SMYD3: variants seen among roughly 807,000 people sequenced by gnomAD.
SMYD3 encodes SET and MYND domain containing 3.
Under a neutral mutation model 57.7 loss-of-function variants are expected in SMYD3, and 36 were observed. The observed-to-expected ratio is 0.62, with a 90% CI of 0.48 to 0.82. The LOEUF (loss-of-function observed/expected upper bound fraction) is 0.82, where lower values mean the gene tolerates loss of function less well. Ranked by LOEUF, SMYD3 falls within the 40% of genes least tolerant of loss-of-function variation. SMYD3 has a pLI of 0.00. For synonymous variants in SMYD3, 211 were observed against 195.0 expected, an observed-to-expected ratio of 1.08 and a Z score of -0.68; for missense variants, 515 against 538.8, an observed-to-expected ratio of 0.96 and a Z score of 0.44.
intron 2 of SMYD3, among the ~76,000 whole-genome samples, chr1:246,353,834 A>G (rs2065870301): frequency 6.6e-6 from 1 of 152,206 alleles, no homozygotes; most frequent in Non-Finnish European, 1.5e-5. Context: ...GATGCCTAAT[A>G]AATATTAACT....
intron 5 of SMYD3, among the ~76,000 whole-genome samples, chr1:245,983,330 C>T (rs567640507): frequency 1.3e-5 from 2 of 152,092 alleles, no homozygotes; most frequent in South Asian, 4.1e-4. Context: ...TTCATTATTT[C>T]CCCTAAAAAC....
chr1:246,222,923 A>G (rs921106962), intron 5 of SMYD3, among the ~76,000 whole-genome samples: 1 of 152,178 alleles, frequency 6.6e-6, no homozygotes, highest in African/African-American at 2.4e-5. Context: ...TTCACATCTA[A>G]TACATGAAAA....
At chr1:246,047,707 T>G (rs1375047744) in intron 5 of SMYD3, among the ~76,000 whole-genome samples, 5 of 152,040 alleles carry the variant, frequency 3.3e-5, no homozygotes, top group African/African-American at 1.2e-4. Context: ...GGCATGGTGG[T>G]GTGTGCCTAT....
At chr1:245,791,743 C>T (rs1206275838) in intron 10 of SMYD3, among the ~76,000 whole-genome samples, 1 of 152,142 alleles carries the variant, frequency 6.6e-6, no homozygotes, top group African/African-American at 2.4e-5. Flanking sequence ...GTGTCTGATA[C>T]GCAGAGGTCA....
chr1:245,924,316 A>C (rs2056205523), intron 7 of SMYD3, among the ~76,000 whole-genome samples: 1 of 152,148 alleles, frequency 6.6e-6, no homozygotes, highest in South Asian at 2.1e-4. Context: ...GGAGACAAAA[A>C]TCCAAAGTCA....
At chr1:246,282,315 A>AAAAAAAAAAAAAAAAAAAC (rs2064463818) in intron 5 of SMYD3, among the ~76,000 whole-genome samples, 1 of 44,244 alleles carries the variant, frequency 2.3e-5, no homozygotes, top group African/African-American at 5.4e-5. Flanking sequence ...CAAAAAAAAA[A>AAAAAAAAAAAAAAAAAAAC]AAAAAAAAAA....
At position 245,924,655 on chromosome 1, in the gene SMYD3, C is replaced by CTT. The variant is rs150323644; in HGVS notation, c.702+3274_702+3275dup. Among the ~76,000 whole-genome samples, 722 of 94,660 alleles carry CTT rather than the reference C, an allele frequency of 7.6e-3. 14 individuals carry two copies. The highest frequency in any genetic ancestry group is 0.026 in the African/African-American group (680 of 26,130). The allele number at this position is 94,660 out of a possible 152,430, so 62.1% of individuals were successfully genotyped here. ...GTAAATGTCTGAGACTCTATTCCAG[C>CTT]TTTTTTTTTTTTTTTTTTTTTTTCT... On this transcript the variant is annotated intron_variant, in intron 7 of 11. Transcript: ENST00000490107.
intron 1 of SMYD3, among the ~76,000 whole-genome samples, chr1:246,367,065 C>T (rs1289592674): frequency 6.6e-6 from 1 of 151,840 alleles, no homozygotes; most frequent in African/African-American, 2.4e-5. Context: ...AGAAAAAGGA[C>T]CACTTATTTT....
At chr1:246,247,121 CTG>C (rs2148489371) in intron 5 of SMYD3, among the ~76,000 whole-genome samples, 1 of 152,176 alleles carries the variant, frequency 6.6e-6, no homozygotes, top group Admixed American at 6.5e-5. Context: ...GGTCGCTACT[CTG>C]TAGTCAGCTG....
At chr1:246,429,240 C>T (rs1329780356) in intron 1 of SMYD3, among the ~76,000 whole-genome samples, 1 of 151,980 alleles carries the variant, frequency 6.6e-6, no homozygotes, top group African/African-American at 2.4e-5. Flanking sequence ...CTGTCCACTG[C>T]AACCAGTGAT....
At chr1:245,831,753 C>G (rs981906094) in intron 10 of SMYD3, among the ~76,000 whole-genome samples, 1 of 152,186 alleles carries the variant, frequency 6.6e-6, no homozygotes, top group African/African-American at 2.4e-5. Flanking sequence ...GACAAGGGAA[C>G]AGAAAACACG....
chr1:246,387,381 T>G (rs920268579), intron 1 of SMYD3, among the ~76,000 whole-genome samples: 3 of 152,206 alleles, frequency 2.0e-5, no homozygotes, highest in African/African-American at 7.2e-5. Flanking sequence ...TTTAATGTAT[T>G]AAGTACCTCA....
chr1:245,827,144 A>G (rs577416984), intron 10 of SMYD3, among the ~76,000 whole-genome samples: 2 of 152,192 alleles, frequency 1.3e-5, no homozygotes, highest in Non-Finnish European at 2.9e-5. Context: ...TGATCTGTAG[A>G]TGAGAAAGTT....
chr1:245,927,559 C>T (rs1197875347), intron 7 of SMYD3, among the ~76,000 whole-genome samples: 1 of 149,800 alleles, frequency 6.7e-6, no homozygotes, highest in South Asian at 2.1e-4. Context: ...AGCTGGGATG[C>T]CCCCCCCTGC....
At chr1:246,021,822 G>A (rs2059475573) in intron 5 of SMYD3, among the ~76,000 whole-genome samples, 1 of 152,130 alleles carries the variant, frequency 6.6e-6, no homozygotes, top group African/African-American at 2.4e-5. Flanking sequence ...TGGAAAGATG[G>A]AAAAATGAAA....
intron 10 of SMYD3, among the ~76,000 whole-genome samples, chr1:245,830,682 T>C (rs1339725825): frequency 1.3e-5 from 2 of 152,172 alleles, no homozygotes; most frequent in Non-Finnish European, 2.9e-5. Flanking sequence ...CTGTAGGAAG[T>C]AGAAAGCTTA....
At chr1:246,177,281 T>C (rs1293329437) in intron 5 of SMYD3, among the ~76,000 whole-genome samples, 1 of 152,212 alleles carries the variant, frequency 6.6e-6, no homozygotes, top group Non-Finnish European at 1.5e-5. Flanking sequence ...TTAAATTACA[T>C]GCCATCACTT....
chr1:246,418,086 A>C (rs1394025961), intron 1 of SMYD3, among the ~76,000 whole-genome samples: 2 of 152,118 alleles, frequency 1.3e-5, no homozygotes, highest in African/African-American at 4.8e-5. Context: ...ACATTAATAC[A>C]TTTATATGCC....
intron 1 of SMYD3, among the ~76,000 whole-genome samples, chr1:246,395,688 C>G (rs61839775): frequency 0.64 from 40,624 of 63,472 alleles, 10,357 homozygotes; most frequent in Middle Eastern, 0.72. Flanking sequence ...ACAGGGAAGA[C>G]GAACCCACCA....
Sources: gnomAD v4.1 joint callset for allele counts (sites outside exome capture counted in the v4.1 genomes callset) on GRCh38, gnomAD v4.1.1 for gene constraint, MANE v1.5 for transcripts, NCBI Gene and HGNC (gene_info 2026-07-23, HGNC 2026-07-21) for gene names.